The following WDR47 variants were observed in gnomAD, a reference collection of about 807,000 sequenced individuals.
WDR47 encodes the protein WD repeat domain 47.
Under a neutral mutation model 97.2 loss-of-function variants are expected in WDR47, and 32 were observed. That is an observed-to-expected ratio of 0.33 (90% confidence interval 0.25 to 0.44). WDR47 has a LOEUF of 0.44. Among genes scored for constraint, WDR47 ranks in the 20% least tolerant of loss-of-function variants. The probability of loss-of-function intolerance (pLI) is 1.00; values close to 1 mark genes in which losing one functional copy is unlikely to be tolerated. For missense variants in WDR47, 782 were observed against 1,102.3 expected (o/e 0.71, Z 4.11); for synonymous variants, 375 against 373.5 (o/e 1.00, Z -0.05).
At chr1:109,002,849 A>T (rs1316706690) in intron 6 of WDR47, among the ~76,000 whole-genome samples, 2 of 152,222 alleles carry the variant, frequency 1.3e-5, no homozygotes, top group Non-Finnish European at 2.9e-5. Flanking sequence ...GTTGGAATGG[A>T]TGGGGTAAAA....
rs1485818701 is a variant in WDR47 at position 108,971,435 on chromosome 1, C to T, written c.2755G>A (p.Gly919Arg). The part of the protein sequence containing the change: ...DRTVTLWTYN[G>R] ...AGACTGACATGCGGTGTGCTCTACC[C>T]ATTGTAAGTCCAGAGGGTGACAGTT... Residue 919 changes from glycine to arginine, a missense_variant, in exon 15 of 15, where the codon GGG becomes AGG. Transcript: ENST00000369962. 6.2e-7 allele frequency: 1 copy of T among 1,614,148 alleles called. No individual in the cohort carries two copies. Among genetic ancestry groups the T allele is most frequent in the Non-Finnish European group, 8.5e-7 (1 of 1,180,020 alleles).
chr1:109,001,184 G>A (rs1315294772), intron 7 of WDR47, among the ~76,000 whole-genome samples: 1 of 152,034 alleles, frequency 6.6e-6, no homozygotes, highest in Non-Finnish European at 1.5e-5. Context: ...AGCTACTCGG[G>A]AAGCTGAGGC....
intron 13 of WDR47, 66 bp downstream of exon 13, chr1:108,981,667 G>A: frequency 6.9e-7 from 1 of 1,458,134 alleles, no homozygotes; most frequent in Admixed American, 2.3e-5. Context: ...TTGCAGGGGA[G>A]AAGAAGTAGA....
chr1:108,991,000 TG>T (rs1384733163), intron 9 of WDR47, among the ~76,000 whole-genome samples: 3 of 151,438 alleles, frequency 2.0e-5, no homozygotes, highest in South Asian at 4.2e-4. Flanking sequence ...GGTTTTTTTT[TG>T]TTTTTTTTTT....
intron 8 of WDR47, among the ~76,000 whole-genome samples, chr1:108,994,679 A>G (rs1659623297): frequency 6.6e-6 from 1 of 152,190 alleles, no homozygotes; most frequent in African/African-American, 2.4e-5. Flanking sequence ...GTTTTATTTT[A>G]AGCCTTGAAG....
At chr1:109,018,610 T>A (rs1260411746) in intron 2 of WDR47, among the ~76,000 whole-genome samples, 1 of 151,500 alleles carries the variant, frequency 6.6e-6, no homozygotes, top group Admixed American at 6.6e-5. Flanking sequence ...AGCTCAGGAG[T>A]TCGAAACCAG....
chr1:109,012,142 AT>A (rs1205339408), intron 4 of WDR47, among the ~76,000 whole-genome samples: 1 of 151,884 alleles, frequency 6.6e-6, no homozygotes, highest in Non-Finnish European at 1.5e-5. Context: ...AACGGTAAGA[AT>A]TTTTTTTCTA....
intron 2 of WDR47, among the ~76,000 whole-genome samples, chr1:109,018,390 C>T (rs1661577367): frequency 6.7e-6 from 1 of 149,760 alleles, no homozygotes; most frequent in Non-Finnish European, 1.5e-5. Flanking sequence ...GAGCCAAGAT[C>T]ACGCCACTGC....
Position 108,989,526 on chromosome 1 carries a change from C to T in WDR47, c.1767+1728G>A, listed in dbSNP as rs148878401. Among the ~76,000 whole-genome samples, 1,304 of 152,230 alleles carry T rather than the reference C, an allele frequency of 8.6e-3. 9 individuals are homozygous for T. The highest frequency in any genetic ancestry group is 0.03 in the African/African-American group (1,244 of 41,524). On this transcript the variant is annotated intron_variant, in intron 9 of 14. Transcript: ENST00000369962. ...ATGTTGCATTTTCCAATAATCCATA[C>T]ACAGGGAATGTGACTGTTTGCAAAA...
intron 5 of WDR47, among the ~76,000 whole-genome samples, chr1:109,007,842 G>C (rs1660732492): frequency 1.3e-5 from 2 of 152,336 alleles, no homozygotes; most frequent in Admixed American, 1.3e-4. Context: ...AGTGGCTCAT[G>C]CCTGTAATCC....
chr1:108,988,373 T>C (rs546161689), intron 9 of WDR47, among the ~76,000 whole-genome samples: 1 of 151,742 alleles, frequency 6.6e-6, no homozygotes, highest in Non-Finnish European at 1.5e-5. Flanking sequence ...ATGAAGGAAG[T>C]ATAAAGGATT....
intron 7 of WDR47, among the ~76,000 whole-genome samples, chr1:108,997,261 C>CAA (rs539998525): frequency 3.3e-5 from 4 of 122,202 alleles, no homozygotes; most frequent in African/African-American, 9.0e-5. Context: ...CCGTCTCTCC[C>CAA]AAAAAAAAAA....
intron 10 of WDR47, among the ~76,000 whole-genome samples, chr1:108,985,299 A>G (rs1640202426): frequency 6.6e-6 from 1 of 152,162 alleles, no homozygotes; most frequent in Non-Finnish European, 1.5e-5. Flanking sequence ...CAGTTCCTAA[A>G]AAAAGCCAAG....
intron 8 of WDR47, chr1:108,992,913 A>G: frequency 1.9e-6 from 2 of 1,032,598 alleles, no homozygotes; most frequent in Non-Finnish European, 2.9e-6. Flanking sequence ...GGAAATTGCT[A>G]AATAATATTT....
Position 108,971,259 on chromosome 1 carries a change from C to T in WDR47, c.*171G>A. ...GAGCTCACATGGAAGACTGAAAGCA[C>T]TGCGGAATAACACCACCCAACACCT... On this transcript the variant is annotated 3_prime_UTR_variant, in exon 15 of 15. Transcript: ENST00000369962. 2 of 867,590 alleles carry T rather than the reference C, an allele frequency of 2.3e-6. No homozygotes were observed. Among genetic ancestry groups the T allele is most frequent in the Non-Finnish European group, 3.4e-6 (2 of 583,866 alleles). 53.7% of individuals were successfully genotyped at this position (867,590 alleles called of 1,614,324 possible). A position where few individuals can be genotyped will look rare whatever the true frequency, so the allele number is the denominator to read the frequency against.
chr1:109,027,719 T>TCA (rs1557961396), intron 1 of WDR47, among the ~76,000 whole-genome samples: 1 of 151,946 alleles, frequency 6.6e-6, no homozygotes, highest in African/African-American at 2.4e-5. Context: ...AGATGGGGTT[T>TCA]CACCATCTTG....
At chr1:109,039,132 T>C (rs945662165) in intron 1 of WDR47, among the ~76,000 whole-genome samples, 1 of 152,158 alleles carries the variant, frequency 6.6e-6, no homozygotes, top group Non-Finnish European at 1.5e-5. Flanking sequence ...GGGTAATGAG[T>C]GATGAGCATT....
At chr1:109,032,622 G>C (rs1456364530) in intron 1 of WDR47, among the ~76,000 whole-genome samples, 1 of 152,172 alleles carries the variant, frequency 6.6e-6, no homozygotes, top group African/African-American at 2.4e-5. Flanking sequence ...TGTAGACCAG[G>C]CATGGTGGCT....
intron 12 of WDR47, 134 bp downstream of exon 12, chr1:108,982,475 T>G: frequency 2.8e-6 from 3 of 1,059,490 alleles, no homozygotes; most frequent in Non-Finnish European, 4.0e-6. Context: ...GAGGCCGCAG[T>G]GAGCTGTGAT....
Sources: gnomAD v4.1 joint callset for allele counts (sites outside exome capture counted in the v4.1 genomes callset) on GRCh38, gnomAD v4.1.1 for gene constraint, MANE v1.5 for transcripts, NCBI Gene and HGNC (gene_info 2026-07-23, HGNC 2026-07-21) for gene names.